The following ATRAID variants were observed in gnomAD, a reference collection of about 807,000 sequenced individuals.
ATRAID encodes all-trans retinoic acid induced differentiation factor, also known as all-trans retinoic acid-induced differentiation factor.
A neutral mutation model predicts 28.8 loss-of-function variants in ATRAID; 26 were observed. That is an observed-to-expected ratio of 0.90 (90% CI 0.66 to 1.25). The LOEUF (loss-of-function observed/expected upper bound fraction) is 1.25. Ranked by LOEUF, ATRAID falls within the 50% of genes most tolerant of loss-of-function variation. ATRAID has a pLI of 0.00. For synonymous variants in ATRAID, 131 were observed against 108.5 expected, an observed-to-expected ratio of 1.21 and a Z score of -1.29; for missense variants, 308 against 285.9, an observed-to-expected ratio of 1.08 and a Z score of -0.56.
Position 27,215,537 on chromosome 2 carries a change from CCA to C in ATRAID, c.358_359del (p.Gln120AspfsTer15). 5 of 1,614,202 alleles carry C rather than the reference CCA, an allele frequency of 3.1e-6. No homozygotes were observed. Among genetic ancestry groups the C allele is most frequent in the Non-Finnish European group, 4.2e-6 (5 of 1,180,026 alleles). Reference protein sequence around the residue: ...ANTFRGFTQLQTLILPQHVNC... With the variant: ...ANTFRGFTQLXTLILPQHVNC... ...ACACCTTCCGTGGCTTTACTCAGCT[CCA>C]GACTCTGTGAGTAAGGGTATGGGAA... On this transcript the variant is annotated frameshift_variant, in exon 4 of 7. Transcript: ENST00000380171. LOFTEE classifies it high-confidence loss of function.
chr2:27,214,948 C>T (rs1558521116), intron 2 of ATRAID, among the ~76,000 whole-genome samples: 1 of 95,024 alleles, frequency 1.1e-5, no homozygotes, highest in Non-Finnish European at 3.0e-5. Context: ...AAATGAGACA[C>T]TGAATTTTTA....
intron 1 of ATRAID, chr2:27,212,807 A>T: frequency 1.8e-6 from 1 of 569,786 alleles, no homozygotes; most frequent in Non-Finnish European, 2.7e-6. Flanking sequence ...GTACTTTTGT[A>T]ATGCTTGATG....
intron 2 of ATRAID, among the ~76,000 whole-genome samples, chr2:27,214,287 GTAGAATAAAGGAATGGA>G (rs951052045): frequency 2.0e-5 from 3 of 152,102 alleles, no homozygotes; most frequent in African/African-American, 4.8e-5. Flanking sequence ...GTAAATATTT[GTAGAATAAAGGAATGGA>G]TAGCAGTAGA....
At chr2:27,215,812 TTTAGA>T in intron 5 of ATRAID, 59 bp downstream of exon 5, 1 of 1,584,190 alleles carries the variant, frequency 6.3e-7, no homozygotes, top group Non-Finnish European at 8.6e-7. Context: ...TATTTTCCAC[TTTAGA>T]TCAGAAAGAC....
At position 27,212,101 on chromosome 2, in the gene ATRAID, C is replaced by G. The variant is rs928120508; in HGVS notation, c.-268C>G. ...GCGGGGAACACCGGGCTGAGGGAGT[C>G]TGCAGTCGGCTCCGGGAAGCCGCGC... On this transcript the variant is annotated 5_prime_UTR_variant, in exon 1 of 7. Transcript: ENST00000380171. 2 of 1,457,238 alleles carry G rather than the reference C, an allele frequency of 1.4e-6. No individual in the cohort carries two copies. Among genetic ancestry groups the G allele is most frequent in the East Asian group, 2.7e-5 (1 of 37,330 alleles). The allele number at this position is 1,457,238 out of a possible 1,614,324, so 90.3% of individuals were successfully genotyped here.
In ATRAID at chr2:27,216,963, A is replaced by T; in HGVS notation, c.*15A>T. ...AGACTTCATGAACTACATAGGTCTT[A>T]CCATTGACCTAAGATCAATCTGAAC... On this transcript the variant is annotated 3_prime_UTR_variant, in exon 7 of 7. Coordinates refer to ENST00000380171, the MANE Select transcript of ATRAID (RefSeq NM_001170795.4). 6.3e-7 allele frequency: 1 copy of T among 1,579,036 alleles called. No individual in the cohort carries two copies. Among genetic ancestry groups the T allele is most frequent in the Non-Finnish European group, 8.7e-7 (1 of 1,150,976 alleles).
chr2:27,216,770 G>C, intron 6 of ATRAID, 74 bp from the exon 7 acceptor site: 2 of 1,468,886 alleles, frequency 1.4e-6, no homozygotes, highest in Non-Finnish European at 1.9e-6. Context: ...GGTATATTAG[G>C]AAAGAACTAG....
chr2:27,216,842 A>C lies in ATRAID; in HGVS notation c.586-2A>C. 3 of 1,613,448 alleles carry C rather than the reference A, an allele frequency of 1.9e-6. No individual in the cohort carries two copies. The highest frequency in any genetic ancestry group is 2.5e-6 in the Non-Finnish European group (3 of 1,179,398). The stretch of plus-strand genomic sequence containing the variant: ...GGGTGTTTTTTGGTCTGTTGTTCAC[A>C]GGGCTCGTTCTCACTGCTTATGTTC... On this transcript the variant is annotated splice_acceptor_variant, in intron 6 of 6. Coordinates refer to ENST00000380171, the MANE Select transcript of ATRAID (RefSeq NM_001170795.4). LOFTEE classifies it high-confidence loss of function.
chr2:27,216,189 G>C (rs1194361467), intron 5 of ATRAID, among the ~76,000 whole-genome samples: 3 of 152,222 alleles, frequency 2.0e-5, no homozygotes, highest in African/African-American at 7.2e-5. Flanking sequence ...AACTTCTTAA[G>C]GGTAAGGGAG....
rs769613846 is a variant in ATRAID at position 27,212,227 on chromosome 2, C to T, written c.-142C>T. 1.2e-5 allele frequency: 18 copies of T among 1,560,570 alleles called. No individual in the cohort carries two copies. Among genetic ancestry groups the T allele is most frequent in the Admixed American group, 2.0e-5 (1 of 51,238 alleles). On this transcript the variant is annotated 5_prime_UTR_variant, in exon 1 of 7. It adds an upstream start codon to the 5' untranslated region. Coordinates refer to ENST00000380171, the MANE Select transcript of ATRAID (RefSeq NM_001170795.4). ...GCATGAAGACCAGCGCAGAGCTCCACGAGCAGGAAAAGCCCCCAAGCAGCC... is the reference window on the plus strand; with the variant it reads ...GCATGAAGACCAGCGCAGAGCTCCATGAGCAGGAAAAGCCCCCAAGCAGCC...
chr2:27,215,775 C>T, intron 5 of ATRAID, 22 bp downstream of exon 5: 3 of 1,609,764 alleles, frequency 1.9e-6, no homozygotes, highest in Non-Finnish European at 8.5e-7. Context: ...TACCTCCAAA[C>T]TTCTGGGAAT....
chr2:27,214,582 G>A (rs1018415802), intron 2 of ATRAID, among the ~76,000 whole-genome samples: 8 of 152,314 alleles, frequency 5.3e-5, no homozygotes, highest in East Asian at 3.9e-4. Flanking sequence ...AGCCAGGCGC[G>A]GTGGCTCATG....
rs1001834084 is a variant in ATRAID, at chr2:27,212,611, C to T, written c.99+144C>T. The T allele has an allele frequency of 1.8e-5, 26 of 1,431,710 alleles. No individual in the cohort carries two copies. The African/African-American group carries it at 1.9e-4, about 11-fold the overall frequency. 88.7% of individuals were successfully genotyped at this position (1,431,710 alleles called of 1,614,324 possible). On this transcript the variant is annotated intron_variant, in intron 1 of 6. Coordinates refer to ENST00000380171, the MANE Select transcript of ATRAID (RefSeq NM_001170795.4). ...CTTCCCGACCCTGCCCAGCCAGGTC[C>T]TGTTCCCAAGTACTCACGTCGTGCA...
At chr2:27,216,711 A>G in intron 6 of ATRAID, 91 bp downstream of exon 6, 1 of 1,449,898 alleles carries the variant, frequency 6.9e-7, no homozygotes, top group Non-Finnish European at 9.6e-7. Flanking sequence ...GAGCTGATAC[A>G]AATTTCCTAT....
rs970865789 is a variant in ATRAID, at chr2:27,216,918, G to A, written c.660G>A (p.Ala220=). Residue 220 remains alanine (A), a synonymous_variant, in exon 7 of 7, where the codon GCG becomes GCA. Coordinates refer to ENST00000380171, the MANE Select transcript of ATRAID (RefSeq NM_001170795.4). ...TTLSVSILLW[A]TQRRKAKTS is the part of the protein sequence containing the mutation. ...TATCCGTCTCCATTCTGCTTTGGGC[G>A]ACCCAGCGCCGAAAAGCCAAGACTT... 5.0e-6 allele frequency: 8 copies of A among 1,613,786 alleles called. No homozygotes were observed. Among genetic ancestry groups the A allele is most frequent in the Middle Eastern group, 1.6e-4 (1 of 6,080 alleles).
chr2:27,213,363 C>T (rs898787375), intron 2 of ATRAID, 65 bp downstream of exon 2: 3 of 1,545,532 alleles, frequency 1.9e-6, no homozygotes, highest in East Asian at 2.3e-5. Flanking sequence ...CTTTTATACC[C>T]TTATATTATT....
At chr2:27,212,965 G>T (rs1442843801) in intron 1 of ATRAID, 5 of 588,854 alleles carry the variant, frequency 8.5e-6, no homozygotes, top group Non-Finnish European at 1.5e-5. Context: ...TACTGAAAGT[G>T]TCGGGAGCTG....
chr2:27,216,677 CAGAA>C (rs1453659523), intron 6 of ATRAID, 57 bp downstream of exon 6: 7 of 1,526,210 alleles, frequency 4.6e-6, no homozygotes, highest in East Asian at 2.2e-5. Context: ...CAAGTCTTCT[CAGAA>C]AGGAGAGCCA....
chr2:27,212,745 C>T, intron 1 of ATRAID: 1 of 951,374 alleles, frequency 1.1e-6, no homozygotes. Flanking sequence ...TCCTCTGCCT[C>T]TTGTGTAATC....
Sources: allele counts gnomAD v4.1 joint callset (sites outside exome capture counted in the v4.1 genomes callset), GRCh38; gene constraint gnomAD v4.1.1; transcripts MANE v1.5; gene names NCBI Gene and HGNC (gene_info 2026-07-23, HGNC 2026-07-21).